DYSF: variants seen among roughly 807,000 people sequenced by gnomAD.
DYSF encodes the protein dysferlin.
A neutral mutation model predicts 274.9 loss-of-function variants in DYSF; 212 were observed. That is an observed-to-expected ratio of 0.77 (90% confidence interval 0.69 to 0.86). The LOEUF is 0.86. DYSF is among the 40% of genes least tolerant of loss of function. DYSF has a pLI of 0.00. For synonymous variants in DYSF, 1,091 were observed against 1,078.7 expected (o/e 1.01, Z -0.22); for missense variants, 2,666 against 2,783.2 (o/e 0.96, Z 0.95).
chr2:71,615,868 C>A lies in DYSF; in HGVS notation c.4464+2458C>A, dbSNP rs1400336747. 6.6e-6 allele frequency among the ~76,000 whole-genome samples: 1 copy of A among 152,192 alleles called. No homozygotes were observed. The highest frequency in any genetic ancestry group is 6.5e-5 in the Admixed American group (1 of 15,288). ...TGTCTGCCCCACCGGTGTTTCTCGG[C>A]AGCCTGTTCCATCCTCACAGTTGAT... On this transcript the variant is annotated intron_variant, in intron 40 of 55. Transcript: ENST00000410020. The surrounding 1 kb of genome is among the most constrained non-coding windows in gnomAD (Gnocchi z 4.9).
rs1313452251 is a variant in DYSF, at chr2:71,542,291, ATTT to A, written c.1576+3057_1576+3059del. On this transcript the variant is annotated intron_variant, in intron 17 of 55. Transcript: ENST00000410020. Reference sequence around the variant, plus strand: ...ATGGGCTTTCTATGTTGCTAATCTGATTTTTTTCTGTACCAATTCTGCCTTTTA... The same window carrying A: ...ATGGGCTTTCTATGTTGCTAATCTGATTTTCTGTACCAATTCTGCCTTTTA... Among the ~76,000 whole-genome samples, 14 of 151,404 alleles carry A rather than the reference ATTT, an allele frequency of 9.2e-5. 1 individual carries two copies. Among genetic ancestry groups the A allele is most frequent in the Non-Finnish European group, 1.2e-4 (8 of 67,900 alleles).
chr2:71,607,188 C>G (rs1316031964), intron 36 of DYSF, among the ~76,000 whole-genome samples: 1 of 152,190 alleles, frequency 6.6e-6, no homozygotes, highest in Non-Finnish European at 1.5e-5. Context: ...TGGACACCTG[C>G]TGTCTGAATA....
Position 71,503,240 on chromosome 2 carries a change from T to A in DYSF, c.266T>A (p.Leu89His). The change falls in exon 4 of 56, where the codon CTC becomes CAC. Residue 89 changes from leucine to histidine, a missense_variant. This residue lies in a region of DYSF where 794 missense variants were observed against 777.1 expected (regional missense o/e 1.02). Transcript: ENST00000410020. Reference sequence around the variant, plus strand: ...TTCCTGGGGGAAGCCAAGGTCCCACTCCGAGAGGTCCTCGCCACCCCTAGT... The same window carrying A: ...TTCCTGGGGGAAGCCAAGGTCCCACACCGAGAGGTCCTCGCCACCCCTAGT... Reference protein sequence around the residue: ...NRFLGEAKVPLREVLATPSLS... With the variant: ...NRFLGEAKVPHREVLATPSLS... The A allele has an allele frequency of 6.2e-7, 1 of 1,614,048 alleles. No homozygotes were observed. Among genetic ancestry groups the A allele is most frequent in the Non-Finnish European group, 8.5e-7 (1 of 1,179,978 alleles).
chr2:71,539,063 C>A, intron 16 of DYSF, 94 bp from the exon 17 acceptor site: 1 of 1,109,500 alleles, frequency 9.0e-7, no homozygotes. Context: ...CCCCGCCCCC[C>A]TGTGATGTGT....
In DYSF at chr2:71,496,264, G is replaced by C. The variant is rs575703865; in HGVS notation, c.240-6950G>C. On this transcript the variant is annotated intron_variant, in intron 3 of 55. Coordinates refer to ENST00000410020, the MANE Select transcript of DYSF (RefSeq NM_001130987.2). ...TCCCAGCACTTTGGGAGGCCAAGGT[G>C]GGTGGACCCCTTGAGCCCAGGAGTT... Among the ~76,000 whole-genome samples the C allele has an allele frequency of 5.3e-4, 80 of 152,302 alleles. No homozygotes were observed. In the South Asian group the frequency reaches 0.011, roughly 22 times the overall value.
intron 3 of DYSF, among the ~76,000 whole-genome samples, chr2:71,493,532 A>G (rs4494771): frequency 0.95 from 144,363 of 152,282 alleles, 68,490 homozygotes; most frequent in East Asian, 1. Flanking sequence ...AGTAAACCAC[A>G]TGAGTATTTA....
chr2:71,578,166 C>T (rs756573349), intron 30 of DYSF, among the ~76,000 whole-genome samples: 42 of 152,208 alleles, frequency 2.8e-4, no homozygotes, highest in Non-Finnish European at 2.2e-4. Context: ...CTGGTGGGCC[C>T]CGAGAATCTC....
At chr2:71,500,110 GA>G (rs1271032794) in intron 3 of DYSF, among the ~76,000 whole-genome samples, 2 of 152,150 alleles carry the variant, frequency 1.3e-5, no homozygotes, top group Non-Finnish European at 2.9e-5. Context: ...AAGGGCCCCA[GA>G]CCTAGAGGCC....
Position 71,615,256 on chromosome 2 carries a change from C to T in DYSF, c.4464+1846C>T, listed in dbSNP as rs115050906. Reference sequence around the variant, plus strand: ...GGCCTGTGCTGTTTGTGGGAGCACACGGCCACTCTGGCTAGAGCTGCTGGC... The same window carrying T: ...GGCCTGTGCTGTTTGTGGGAGCACATGGCCACTCTGGCTAGAGCTGCTGGC... On this transcript the variant is annotated intron_variant, in intron 40 of 55. Coordinates refer to ENST00000410020, the MANE Select transcript of DYSF (RefSeq NM_001130987.2). The surrounding 1 kb of genome is among the most constrained non-coding windows in gnomAD (Gnocchi z 4.9). 3.7e-3 allele frequency among the ~76,000 whole-genome samples: 561 copies of T among 152,264 alleles called. 1 individual carries two copies. The highest frequency in any genetic ancestry group is 6.5e-3 in the Non-Finnish European group (440 of 68,014).
intron 29 of DYSF, among the ~76,000 whole-genome samples, chr2:71,571,278 C>T (rs1252272930): frequency 2.0e-5 from 3 of 150,420 alleles, no homozygotes; most frequent in Non-Finnish European, 4.4e-5. Context: ...GCAGCACACC[C>T]ACAGTTCACA....
At chr2:71,485,417 G>A (rs1167158890) in intron 3 of DYSF, among the ~76,000 whole-genome samples, 2 of 152,188 alleles carry the variant, frequency 1.3e-5, no homozygotes, top group African/African-American at 4.8e-5. Context: ...TTCGCTGGGC[G>A]TGGTGGCGGG....
At chr2:71,639,107 A>G (rs901193394) in intron 41 of DYSF, among the ~76,000 whole-genome samples, 2 of 152,166 alleles carry the variant, frequency 1.3e-5, no homozygotes, top group Non-Finnish European at 2.9e-5. Flanking sequence ...TCCATGTGCT[A>G]TTGGCCATTT....
At chr2:71,672,497 A>G (rs911395838) in intron 51 of DYSF, among the ~76,000 whole-genome samples, 1 of 152,154 alleles carries the variant, frequency 6.6e-6, no homozygotes, top group Non-Finnish European at 1.5e-5. Flanking sequence ...GCTTTGAACC[A>G]CCACTGGTTG....
At chr2:71,558,924 G>A (rs944956186) in intron 22 of DYSF, among the ~76,000 whole-genome samples, 1 of 152,166 alleles carries the variant, frequency 6.6e-6, no homozygotes, top group Non-Finnish European at 1.5e-5. Context: ...TCACTGCAGT[G>A]CTGAGCACCA....
rs541253501 is a variant in DYSF, at chr2:71,523,616, G to A, written c.1150-2604G>A. Reference sequence around the variant, plus strand: ...GGCTGGAGTGCCATGGTGCAATCTCGGCTCACTGCAACCTCCGCCTCCCGA... The same window carrying A: ...GGCTGGAGTGCCATGGTGCAATCTCAGCTCACTGCAACCTCCGCCTCCCGA... On this transcript the variant is annotated intron_variant, in intron 12 of 55. Coordinates refer to ENST00000410020, the MANE Select transcript of DYSF (RefSeq NM_001130987.2). Among the ~76,000 whole-genome samples, 9 of 148,894 alleles carry A rather than the reference G, an allele frequency of 6.0e-5. No individual in the cohort carries two copies. In the South Asian group the frequency reaches 1.3e-3, roughly 21 times the overall value.
chr2:71,632,221 G>A (rs755254919), intron 41 of DYSF, among the ~76,000 whole-genome samples: 11 of 152,198 alleles, frequency 7.2e-5, no homozygotes, highest in Non-Finnish European at 8.8e-5. Context: ...TAGCTGCTGA[G>A]CACAAGACTC....
rs183315017 is a variant in DYSF, at chr2:71,492,526, G to T, written c.239+10556G>T. On this transcript the variant is annotated intron_variant, in intron 3 of 55. Transcript: ENST00000410020. ...TTTCTTCATTTCAAAGAAAGAATGA[G>T]AAATGGATACATGGTAACCCTTCTG... is the stretch of plus-strand genomic sequence containing the variant. 1.4e-4 allele frequency among the ~76,000 whole-genome samples: 22 copies of T among 152,260 alleles called. No individual in the cohort carries two copies. The East Asian group carries it at 3.9e-3, about 27-fold the overall frequency.
At chr2:71,517,129 C>T in intron 10 of DYSF, 90 bp downstream of exon 10, 1 of 1,222,654 alleles carries the variant, frequency 8.2e-7, no homozygotes. Flanking sequence ...CTCCAGAGAT[C>T]CTGTGTTTCT....
chr2:71,553,751 C>CCAAACA, intron 20 of DYSF, 56 bp from the exon 21 acceptor site: 2 of 1,045,050 alleles, frequency 1.9e-6, no homozygotes, highest in Non-Finnish European at 2.8e-6. Context: ...CTTAGCACCC[C>CCAAACA]ATCCCACCCG....
Sources: allele counts gnomAD v4.1 joint callset (sites outside exome capture counted in the v4.1 genomes callset), GRCh38; gene constraint gnomAD v4.1.1; regional missense constraint gnomAD v4.1.1; non-coding constraint Gnocchi (gnomAD v3.1); transcripts MANE v1.5; gene names NCBI Gene and HGNC (gene_info 2026-07-23, HGNC 2026-07-21).